The following PHACTR3 variants were observed in gnomAD, a reference collection of about 807,000 sequenced individuals.
The protein encoded by PHACTR3 is phosphatase and actin regulator 3.
In PHACTR3, 16 loss-of-function variants were observed where a neutral mutation model predicts 66.8. That is an observed-to-expected ratio of 0.24 (90% CI 0.16 to 0.36). The LOEUF (loss-of-function observed/expected upper bound fraction) is 0.36. Among genes scored for constraint, PHACTR3 ranks in the 10% least tolerant of loss-of-function variants. The probability of loss-of-function intolerance (pLI) is 1.00; values close to 1 mark genes in which losing one functional copy is unlikely to be tolerated. For missense variants in PHACTR3, 647 were observed against 719.9 expected (o/e 0.90, Z 1.16); for synonymous variants, 323 against 292.1 (o/e 1.11, Z -1.08).
chr20:59,754,538 G>A (rs998711491), intron 3 of PHACTR3, among the ~76,000 whole-genome samples: 8 of 152,228 alleles, frequency 5.3e-5, no homozygotes, highest in Non-Finnish European at 8.8e-5. Context: ...ACACGTAGCC[G>A]GTGATCAGTA....
chr20:59,678,411 T>C (rs535489845), intron 1 of PHACTR3, among the ~76,000 whole-genome samples: 1 of 152,120 alleles, frequency 6.6e-6, no homozygotes, highest in East Asian at 1.9e-4. Flanking sequence ...CACCGTGGAG[T>C]TGTTGGCATG....
intron 1 of PHACTR3, among the ~76,000 whole-genome samples, chr20:59,689,072 T>G (rs966303058): frequency 1.3e-5 from 2 of 152,202 alleles, no homozygotes; most frequent in African/African-American, 4.8e-5. Context: ...CCACACTATC[T>G]CATGGGTATT....
At chr20:59,716,516 T>C (rs1422451299) in intron 1 of PHACTR3, among the ~76,000 whole-genome samples, 1 of 150,112 alleles carries the variant, frequency 6.7e-6, no homozygotes, top group African/African-American at 2.4e-5. Context: ...GCCACCCAGA[T>C]TACAGGCATG....
chr20:59,794,123 C>CAAAAA lies in PHACTR3; in HGVS notation c.1175-11902_1175-11898dup, dbSNP rs71183186. Among the ~76,000 whole-genome samples, 40 of 97,776 alleles carry CAAAAA rather than the reference C, an allele frequency of 4.1e-4. 1 individual carries two copies. Among genetic ancestry groups the CAAAAA allele is most frequent in the East Asian group, 2.5e-3 (8 of 3,198 alleles). 64.1% of individuals were successfully genotyped at this position (97,776 alleles called of 152,430 possible). On this transcript the variant is annotated intron_variant, in intron 7 of 12. Coordinates refer to ENST00000371015, the MANE Select transcript of PHACTR3 (RefSeq NM_080672.5). Reference sequence around the variant, plus strand: ...TGGGCAACAGAACAAGACTCCATCTCAAAAAAAAAAAAAAAAAAAAGAGTG... The same window carrying CAAAAA: ...TGGGCAACAGAACAAGACTCCATCTCAAAAAAAAAAAAAAAAAAAAAAAAAGAGTG...
At chr20:59,761,452 G>A (rs2039991961) in intron 4 of PHACTR3, among the ~76,000 whole-genome samples, 1 of 152,166 alleles carries the variant, frequency 6.6e-6, no homozygotes, top group African/African-American at 2.4e-5. Flanking sequence ...AGTGACCATG[G>A]CTCACCACAT....
At chr20:59,623,332 G>T (rs1353714365) in intron 1 of PHACTR3, among the ~76,000 whole-genome samples, 1 of 152,012 alleles carries the variant, frequency 6.6e-6, no homozygotes, top group Non-Finnish European at 1.5e-5. Flanking sequence ...TCTATAAAAT[G>T]GGAACTATAG....
At chr20:59,778,266 A>T (rs1301289287) in intron 7 of PHACTR3, among the ~76,000 whole-genome samples, 1 of 152,036 alleles carries the variant, frequency 6.6e-6, no homozygotes, top group Non-Finnish European at 1.5e-5. Flanking sequence ...CTCTTGCTCA[A>T]ATCCCTCCAG....
intron 1 of PHACTR3, among the ~76,000 whole-genome samples, chr20:59,689,744 T>A (rs960622019): frequency 2.0e-5 from 3 of 152,156 alleles, no homozygotes; most frequent in Non-Finnish European, 4.4e-5. Context: ...ACCTAGCTAC[T>A]GAAGCCAGAA....
At chr20:59,835,142 A>G (rs1402973301) in intron 8 of PHACTR3, among the ~76,000 whole-genome samples, 1 of 152,210 alleles carries the variant, frequency 6.6e-6, no homozygotes, top group African/African-American at 2.4e-5. Flanking sequence ...CATAGCAAAT[A>G]TGTCATAGTC....
intron 5 of PHACTR3, among the ~76,000 whole-genome samples, chr20:59,771,690 T>C (rs754432393): frequency 3.3e-5 from 5 of 152,188 alleles, no homozygotes; most frequent in African/African-American, 1.2e-4. Flanking sequence ...CTGGCCTCTG[T>C]CTGTCTCCAC....
At chr20:59,785,900 C>T (rs1321906106) in intron 7 of PHACTR3, among the ~76,000 whole-genome samples, 1 of 3,752 alleles carries the variant, frequency 2.7e-4, no homozygotes, top group African/African-American at 3.2e-4. Flanking sequence ...TCCAACGGCC[C>T]TCTGCATCCC....
intron 1 of PHACTR3, among the ~76,000 whole-genome samples, chr20:59,739,141 A>G (rs775396552): frequency 4.6e-5 from 7 of 152,076 alleles, no homozygotes; most frequent in Non-Finnish European, 1.0e-4. Context: ...GGTTCCACAC[A>G]TTTCCTGGGC....
At chr20:59,666,034 G>A (rs1486405171) in intron 1 of PHACTR3, among the ~76,000 whole-genome samples, 1 of 152,154 alleles carries the variant, frequency 6.6e-6, no homozygotes, top group Non-Finnish European at 1.5e-5. Context: ...CCCAGGGGCT[G>A]GGACTTAGTG....
At chr20:59,642,416 A>G (rs895424951) in intron 1 of PHACTR3, among the ~76,000 whole-genome samples, 2 of 64,672 alleles carry the variant, frequency 3.1e-5, no homozygotes, top group Non-Finnish European at 6.2e-5. Flanking sequence ...AAATCCCCCC[A>G]CCCCCACCCC....
At chr20:59,651,988 A>T (rs1408591270) in intron 1 of PHACTR3, among the ~76,000 whole-genome samples, 1 of 152,206 alleles carries the variant, frequency 6.6e-6, no homozygotes. Context: ...TGCTGTCTGC[A>T]AGATGGAGCT....
intron 1 of PHACTR3, among the ~76,000 whole-genome samples, chr20:59,671,774 G>T (rs116193930): frequency 0.011 from 1,618 of 152,340 alleles, 34 homozygotes; most frequent in African/African-American, 0.037. Context: ...CATGGCTCTT[G>T]CCAGGCTGCG....
chr20:59,645,598 T>C (rs1268255253), intron 1 of PHACTR3, among the ~76,000 whole-genome samples: 1 of 152,138 alleles, frequency 6.6e-6, no homozygotes, highest in Non-Finnish European at 1.5e-5. Context: ...TCTGGACATA[T>C]GTTATTCACG....
intron 9 of PHACTR3, among the ~76,000 whole-genome samples, chr20:59,839,277 G>A (rs902426107): frequency 6.6e-6 from 1 of 152,012 alleles, no homozygotes; most frequent in African/African-American, 2.4e-5. Flanking sequence ...GCAGAAAGAG[G>A]ATTTCATTAC....
upstream of PHACTR3, among the ~76,000 whole-genome samples, chr20:59,601,274 T>C (rs1163206928): frequency 2.6e-5 from 4 of 152,262 alleles, no homozygotes; most frequent in Non-Finnish European, 4.4e-5. Flanking sequence ...CAGGTTCATC[T>C]GCATGTGATT....
Sources: allele counts gnomAD v4.1 joint callset (sites outside exome capture counted in the v4.1 genomes callset), GRCh38; gene constraint gnomAD v4.1.1; transcripts MANE v1.5; gene names NCBI Gene and HGNC (gene_info 2026-07-23, HGNC 2026-07-21).